SLC9C2: variants seen among roughly 807,000 people sequenced by gnomAD.
SLC9C2 encodes the protein sodium/hydrogen exchanger 11.
A neutral mutation model predicts 140.2 loss-of-function variants in SLC9C2; 75 were observed. That is an observed-to-expected ratio of 0.53 (90% confidence interval 0.44 to 0.65). The LOEUF is 0.65. Among genes scored for constraint, SLC9C2 ranks in the 30% least tolerant of loss-of-function variants. The probability of loss-of-function intolerance (pLI) is 0.00; values close to 1 mark genes in which losing one functional copy is unlikely to be tolerated. For synonymous variants in SLC9C2, 375 were observed against 420.9 expected, an observed-to-expected ratio of 0.89 and a Z score of 1.34; for missense variants, 1,074 against 1,331.8, an observed-to-expected ratio of 0.81 and a Z score of 3.01.
chr1:173,517,479 G>A (rs1660501515), intron 23 of SLC9C2, 58 bp downstream of exon 23: 2 of 1,458,842 alleles, frequency 1.4e-6, no homozygotes, highest in Non-Finnish European at 1.8e-6. Flanking sequence ...AAAAGATGCT[G>A]GTATTTTTTA....
At position 173,601,688 on chromosome 1, in the gene SLC9C2, T is replaced by C; in HGVS notation, c.89A>G (p.His30Arg). ...QPADYLVEEKHFTTLVCFIVV... is the reference protein window; with the variant it reads ...QPADYLVEEKRFTTLVCFIVV... Reference sequence around the variant, plus strand: ...AATGAAGCATACAAGCGTTGTGAAATGTTTCTCTTCAACAAGGTAGTCAGC... The same window carrying C: ...AATGAAGCATACAAGCGTTGTGAAACGTTTCTCTTCAACAAGGTAGTCAGC... The change falls in exon 2 of 28, where the codon CAT becomes CGT. Residue 30 changes from histidine (H) to arginine (R), a missense_variant. Physicochemically the swap from His to Arg is conservative, Grantham distance 29. Transcript: ENST00000367714. 1 of 1,614,010 alleles carries C rather than the reference T, an allele frequency of 6.2e-7. No individual in the cohort carries two copies. Among genetic ancestry groups the C allele is most frequent in the Non-Finnish European group, 8.5e-7 (1 of 1,179,926 alleles).
intron 26 of SLC9C2, among the ~76,000 whole-genome samples, chr1:173,504,377 C>T (rs1003640955): frequency 2.0e-5 from 3 of 152,122 alleles, no homozygotes; most frequent in Admixed American, 6.6e-5. Flanking sequence ...CAGCACACAG[C>T]GGGGCTGCAT....
intron 4 of SLC9C2, among the ~76,000 whole-genome samples, chr1:173,594,445 A>C (rs1666339066): frequency 6.6e-6 from 1 of 152,228 alleles, no homozygotes; most frequent in South Asian, 2.1e-4. Context: ...TAGTCAATTT[A>C]AAATTACAAT....
chr1:173,586,422 G>C (rs1354735341), intron 5 of SLC9C2, among the ~76,000 whole-genome samples: 1 of 152,126 alleles, frequency 6.6e-6, no homozygotes, highest in Non-Finnish European at 1.5e-5. Flanking sequence ...AAATTGGTTA[G>C]GAAAATATTT....
chr1:173,597,878 G>A lies in SLC9C2; in HGVS notation c.357+26C>T, dbSNP rs760119107. 51 of 1,551,810 alleles carry A rather than the reference G, an allele frequency of 3.3e-5. No homozygotes were observed. The East Asian group carries it at 6.7e-4, about 20-fold the overall frequency. On this transcript the variant is annotated intron_variant, in intron 4 of 27. Coordinates refer to ENST00000367714, the MANE Select transcript of SLC9C2 (RefSeq NM_178527.4). ...CAACGTGCATAAGCAAGAATTGATC[G>A]TACTTTGTTTTAAATGTGTTCTTAC... is the stretch of plus-strand genomic sequence containing the variant.
intron 11 of SLC9C2, among the ~76,000 whole-genome samples, chr1:173,550,432 A>ATTTTTTT (rs1294841800): frequency 1.6e-5 from 2 of 121,706 alleles, no homozygotes; most frequent in African/African-American, 8.0e-5. Flanking sequence ...TTATTTATTT[A>ATTTTTTT]TTTATTTATT....
chr1:173,521,274 A>C (rs751407251), intron 22 of SLC9C2, 27 bp downstream of exon 22: 1 of 1,324,272 alleles, frequency 7.6e-7, no homozygotes, highest in Admixed American at 2.7e-5. Flanking sequence ...TAAGTAAAAA[A>C]AAAAAAAAAA....
chr1:173,534,619 T>C lies in SLC9C2; in HGVS notation c.1839A>G (p.Gly613=). Residue 613 remains glycine, a synonymous_variant, in exon 16 of 28, where the codon GGA becomes GGG. Coordinates refer to ENST00000367714, the MANE Select transcript of SLC9C2 (RefSeq NM_178527.4). ...AAATATATATCAAATTTATAATCTGTCCTGTATATTCAAATTCTTCAGAAA... is the reference window on the plus strand; with the variant it reads ...AAATATATATCAAATTTATAATCTGCCCTGTATATTCAAATTCTTCAGAAA... ...IVFSEEFEYT[G]QIINLIYIYP... 6.4e-7 allele frequency: 1 copy of C among 1,568,066 alleles called. No individual in the cohort carries two copies.
chr1:173,525,647 A>G (rs1293987539), intron 19 of SLC9C2, among the ~76,000 whole-genome samples: 1 of 152,272 alleles, frequency 6.6e-6, no homozygotes, highest in Non-Finnish European at 1.5e-5. Flanking sequence ...TATAAGGATT[A>G]AATGAGATAA....
intron 1 of SLC9C2, 49 bp from the exon 2 acceptor site, chr1:173,601,904 C>T: frequency 8.7e-7 from 1 of 1,155,800 alleles, no homozygotes; most frequent in Non-Finnish European, 1.2e-6. Flanking sequence ...TCCAATTCAT[C>T]CATACCATTT....
At chr1:173,561,727 C>T (rs1270976661) in intron 9 of SLC9C2, among the ~76,000 whole-genome samples, 1 of 152,092 alleles carries the variant, frequency 6.6e-6, no homozygotes, top group African/African-American at 2.4e-5. Context: ...ACAGGCTTGA[C>T]CAGATAAATT....
chr1:173,527,301 T>C (rs1661273087), intron 18 of SLC9C2, among the ~76,000 whole-genome samples: 1 of 152,212 alleles, frequency 6.6e-6, no homozygotes, highest in Non-Finnish European at 1.5e-5. Flanking sequence ...AGTCAGTAGC[T>C]TGCATAACTA....
intron 13 of SLC9C2, among the ~76,000 whole-genome samples, chr1:173,542,128 G>T (rs1039027936): frequency 2.6e-5 from 4 of 151,966 alleles, no homozygotes; most frequent in Admixed American, 2.0e-4. Context: ...TAATAAAGAA[G>T]GAAAGAGAGA....
intron 13 of SLC9C2, among the ~76,000 whole-genome samples, chr1:173,542,167 TA>T (rs1662481989): frequency 6.6e-6 from 1 of 152,084 alleles, no homozygotes; most frequent in Admixed American, 6.5e-5. Flanking sequence ...TAAAAAATGA[TA>T]AAGGGGATAC....
intron 18 of SLC9C2, among the ~76,000 whole-genome samples, chr1:173,528,919 T>G (rs1661384568): frequency 6.6e-6 from 1 of 151,748 alleles, no homozygotes; most frequent in African/African-American, 2.4e-5. Context: ...CCAAACACAA[T>G]GAATAGGAGA....
chr1:173,579,114 A>G (rs1665366874), intron 7 of SLC9C2, among the ~76,000 whole-genome samples: 1 of 152,156 alleles, frequency 6.6e-6, no homozygotes, highest in Non-Finnish European at 1.5e-5. Flanking sequence ...GGTTAATGCT[A>G]AATTCCTACC....
chr1:173,591,848 G>A (rs977551061), intron 4 of SLC9C2, among the ~76,000 whole-genome samples: 6 of 152,008 alleles, frequency 3.9e-5, no homozygotes, highest in African/African-American at 1.5e-4. Context: ...TTCTTTTGCT[G>A]TGCATAAGCC....
At chr1:173,505,394 C>G in intron 25 of SLC9C2, 63 bp from the exon 26 acceptor site, 1 of 1,243,156 alleles carries the variant, frequency 8.0e-7, no homozygotes, top group Non-Finnish European at 1.2e-6. Flanking sequence ...TGGCTGCTTC[C>G]TAATCTTTCC....
chr1:173,528,211 C>G (rs1661343643), intron 18 of SLC9C2, among the ~76,000 whole-genome samples: 1 of 152,198 alleles, frequency 6.6e-6, no homozygotes, highest in Admixed American at 6.5e-5. Flanking sequence ...AGAACCAAGT[C>G]AGTTTCAGAA....
Sources: gnomAD v4.1 joint callset for allele counts (sites outside exome capture counted in the v4.1 genomes callset) on GRCh38, gnomAD v4.1.1 for gene constraint, MANE v1.5 for transcripts, NCBI Gene and HGNC (gene_info 2026-07-23, HGNC 2026-07-21) for gene names.